The following HTR1E variants were observed in gnomAD, a reference collection of about 807,000 sequenced individuals.
HTR1E encodes the protein 5-hydroxytryptamine receptor 1E, also known as 5-HT-1E.
In HTR1E, 3 loss-of-function variants were observed where a neutral mutation model predicts 3.4. The observed-to-expected ratio is 0.89, with a 90% CI of 0.41 to 2.31. The LOEUF (loss-of-function observed/expected upper bound fraction) is 2.31, where lower values mean the gene tolerates loss of function less well. HTR1E is among the 30% of genes most tolerant of loss of function. HTR1E has a pLI of 0.05. For synonymous variants in HTR1E, 170 were observed against 182.8 expected, an observed-to-expected ratio of 0.93 and a Z score of 0.56; for missense variants, 392 against 467.0, an observed-to-expected ratio of 0.84 and a Z score of 1.48.
intron 1 of HTR1E, among the ~76,000 whole-genome samples, chr6:86,949,053 TAAG>T (rs771251810): frequency 3.3e-5 from 5 of 152,344 alleles, no homozygotes; most frequent in East Asian, 3.9e-4. Context: ...TATGCCAATT[TAAG>T]AAGATTTCTG....
At chr6:86,970,443 T>C (rs185029146) in intron 1 of HTR1E, 1 of 153,338 alleles carries the variant, frequency 6.5e-6, no homozygotes, top group East Asian at 1.9e-4. Flanking sequence ...CCCTCTTTTA[T>C]TGCCGGAACC....
chr6:86,985,579 G>A (rs958700722), intron 1 of HTR1E, among the ~76,000 whole-genome samples: 4 of 152,226 alleles, frequency 2.6e-5, no homozygotes, highest in African/African-American at 9.6e-5. Context: ...TATGAGGGAA[G>A]GTGTTCCAAA....
chr6:86,968,054 C>G (rs1767499222), intron 1 of HTR1E, among the ~76,000 whole-genome samples: 1 of 152,192 alleles, frequency 6.6e-6, no homozygotes, highest in South Asian at 2.1e-4. Flanking sequence ...TACTAACATA[C>G]AGTTTACACA....
At chr6:86,963,622 AT>A (rs1029357360) in intron 1 of HTR1E, among the ~76,000 whole-genome samples, 6 of 152,188 alleles carry the variant, frequency 3.9e-5, no homozygotes, top group African/African-American at 1.4e-4. Context: ...CAGATGTACC[AT>A]TTTTTTATCT....
At chr6:86,996,824 T>C (rs1217802052) in intron 1 of HTR1E, among the ~76,000 whole-genome samples, 1 of 151,962 alleles carries the variant, frequency 6.6e-6, no homozygotes, top group Non-Finnish European at 1.5e-5. Flanking sequence ...ATTAAAGAAT[T>C]AACACCAGTT....
At chr6:86,975,400 C>T (rs1767615813) in intron 1 of HTR1E, among the ~76,000 whole-genome samples, 1 of 152,164 alleles carries the variant, frequency 6.6e-6, no homozygotes, top group African/African-American at 2.4e-5. Context: ...CCACTCAGGT[C>T]ATGATTGCAC....
intron 1 of HTR1E, among the ~76,000 whole-genome samples, chr6:86,988,513 T>C (rs1242285738): frequency 6.6e-6 from 1 of 152,170 alleles, no homozygotes; most frequent in Admixed American, 6.6e-5. Context: ...GAGGGCCGGA[T>C]GACTCTTGTG....
At chr6:87,003,538 CAAA>C (rs56069995) in intron 1 of HTR1E, among the ~76,000 whole-genome samples, 4 of 133,512 alleles carry the variant, frequency 3.0e-5, no homozygotes, top group Non-Finnish European at 4.9e-5. Flanking sequence ...GACTCCATCT[CAAA>C]AAAAAAAAAA....
chr6:86,974,582 T>A (rs1003525091), intron 1 of HTR1E, among the ~76,000 whole-genome samples: 2 of 152,236 alleles, frequency 1.3e-5, no homozygotes, highest in African/African-American at 4.8e-5. Flanking sequence ...TTGTTCTTAT[T>A]AAATGGTGCA....
intron 1 of HTR1E, among the ~76,000 whole-genome samples, chr6:86,961,801 A>G (rs2127820482): frequency 6.6e-6 from 1 of 152,376 alleles, no homozygotes; most frequent in East Asian, 1.9e-4. Context: ...ATGCCTAGCT[A>G]TATGAATTCT....
chr6:86,956,874 A>T (rs1022515104), intron 1 of HTR1E, among the ~76,000 whole-genome samples: 8 of 152,218 alleles, frequency 5.3e-5, no homozygotes, highest in African/African-American at 1.9e-4. Context: ...CTAACTTCAG[A>T]GTCTTATGAG....
chr6:86,998,574 C>T (rs188135188), intron 1 of HTR1E, among the ~76,000 whole-genome samples: 17 of 152,076 alleles, frequency 1.1e-4, no homozygotes, highest in African/African-American at 4.1e-4. Flanking sequence ...GCTAAAATAA[C>T]GCTTAGAGCA....
chr6:87,009,456 T>G (rs1768168243), intron 1 of HTR1E, among the ~76,000 whole-genome samples: 1 of 151,996 alleles, frequency 6.6e-6, no homozygotes, highest in African/African-American at 2.4e-5. Flanking sequence ...CTCCCATGTC[T>G]ACTTCTCTCC....
intron 1 of HTR1E, among the ~76,000 whole-genome samples, chr6:87,010,473 T>G (rs1486022191): frequency 7.1e-6 from 1 of 141,224 alleles, no homozygotes; most frequent in African/African-American, 2.7e-5. Flanking sequence ...CCAGACGGGG[T>G]CTCGGCCGGG....
chr6:86,937,695 G>A lies in HTR1E; in HGVS notation c.-314G>A, dbSNP rs1485947283. 1 of 152,756 alleles carries A rather than the reference G, an allele frequency of 6.5e-6. No individual in the cohort carries two copies. Among genetic ancestry groups the A allele is most frequent in the Non-Finnish European group, 1.5e-5 (1 of 68,118 alleles). The allele number at this position is 152,756 out of a possible 1,614,324, so 9.5% of individuals were successfully genotyped here. On this transcript the variant is annotated 5_prime_UTR_variant, in exon 1 of 2. Transcript: ENST00000305344. ...CCTGGGCTCAACGTACTCCAGAATC[G>A]AATGTTGAGAGAAGCAGTGCTCTGA...
intron 1 of HTR1E, among the ~76,000 whole-genome samples, chr6:86,975,892 CTCTT>C (rs1199081185): frequency 1.3e-5 from 2 of 149,392 alleles, no homozygotes; most frequent in East Asian, 2.0e-4. Flanking sequence ...CTCACCTTCT[CTCTT>C]TCTCTCTCTC....
At chr6:87,014,807 G>A (rs1420155803) in intron 1 of HTR1E, among the ~76,000 whole-genome samples, 6 of 152,134 alleles carry the variant, frequency 3.9e-5, no homozygotes, top group Non-Finnish European at 8.8e-5. Flanking sequence ...CCTGTTGGGG[G>A]GTGGAGGGCT....
chr6:86,949,653 A>G (rs978336541), intron 1 of HTR1E, among the ~76,000 whole-genome samples: 2 of 152,158 alleles, frequency 1.3e-5, no homozygotes, highest in African/African-American at 4.8e-5. Flanking sequence ...ACCAGATGCT[A>G]CTGTAGGATT....
chr6:86,957,248 C>G (rs991799648), intron 1 of HTR1E, among the ~76,000 whole-genome samples: 2 of 152,172 alleles, frequency 1.3e-5, no homozygotes, highest in Non-Finnish European at 1.5e-5. Context: ...AATAAGCAGT[C>G]AACATTGTTC....
Sources: allele counts gnomAD v4.1 joint callset (sites outside exome capture counted in the v4.1 genomes callset), GRCh38; gene constraint gnomAD v4.1.1; transcripts MANE v1.5; gene names NCBI Gene and HGNC (gene_info 2026-07-23, HGNC 2026-07-21).